The following RAD18 variants were observed in gnomAD, a reference collection of about 807,000 sequenced individuals.
RAD18 encodes RAD18 E3 ubiquitin protein ligase.
RAD18 carries 47 observed loss-of-function variants against 60.4 expected under a neutral mutation model. That is an observed-to-expected ratio of 0.78 (90% CI 0.62 to 0.99). The LOEUF (loss-of-function observed/expected upper bound fraction) is 0.99. Among genes scored for constraint, RAD18 ranks in the 50% least tolerant of loss-of-function variants. The probability of loss-of-function intolerance (pLI) is 0.00; values close to 1 mark genes in which losing one functional copy is unlikely to be tolerated. For missense variants in RAD18, 640 were observed against 593.3 expected, an observed-to-expected ratio of 1.08 and a Z score of -0.82; for synonymous variants, 225 against 195.5, an observed-to-expected ratio of 1.15 and a Z score of -1.26.
At chr3:8,928,602 T>C (rs1241773489) in intron 7 of RAD18, among the ~76,000 whole-genome samples, 1 of 152,046 alleles carries the variant, frequency 6.6e-6, no homozygotes, top group Non-Finnish European at 1.5e-5. Flanking sequence ...ATAATAATAC[T>C]AAGAGATTCA....
intron 7 of RAD18, among the ~76,000 whole-genome samples, chr3:8,920,323 G>A (rs1433019128): frequency 6.6e-6 from 1 of 151,082 alleles, no homozygotes; most frequent in African/African-American, 2.4e-5. Flanking sequence ...TAATAAGGCA[G>A]AGGGAAGGGC....
rs1939745552 is a variant in RAD18 at position 8,894,164 on chromosome 3, T to C, written c.1323-3713A>G. Among the ~76,000 whole-genome samples the C allele has an allele frequency of 2.6e-5, 4 of 152,314 alleles. No individual in the cohort carries two copies. The South Asian group carries it at 8.3e-4, about 32-fold the overall frequency. ...GCAGAAAAATCAAATGCTATTGATTTTACCAGAGTTAAGAATACGCTCTCC... is the reference window on the plus strand; with the variant it reads ...GCAGAAAAATCAAATGCTATTGATTCTACCAGAGTTAAGAATACGCTCTCC... On this transcript the variant is annotated intron_variant, in intron 11 of 12. Coordinates refer to ENST00000264926, the MANE Select transcript of RAD18 (RefSeq NM_020165.4).
At chr3:8,887,280 C>G (rs186721458) in intron 12 of RAD18, among the ~76,000 whole-genome samples, 150 of 152,294 alleles carry the variant, frequency 9.8e-4, no homozygotes, top group Non-Finnish European at 1.7e-3. Flanking sequence ...TTGCAAGTGA[C>G]TGCAGGTGAG....
At position 8,880,091 on chromosome 3, in the gene RAD18, A is replaced by T. The variant is rs1248834363; in HGVS notation, c.*1266T>A. On this transcript the variant is annotated 3_prime_UTR_variant, in exon 13 of 13. Transcript: ENST00000264926. ...TAATGCACCCCTCAGGATTTCATGC[A>T]AATGAAATTATTATGACAAATTTTT... The T allele has an allele frequency of 6.6e-6, 1 of 152,204 alleles. No individual in the cohort carries two copies. Among genetic ancestry groups the T allele is most frequent in the East Asian group, 1.9e-4 (1 of 5,192 alleles). The allele number at this position is 152,204 out of a possible 1,614,324, so 9.4% of individuals were successfully genotyped here.
chr3:8,956,553 A>T (rs904192143), intron 2 of RAD18, among the ~76,000 whole-genome samples: 1 of 152,208 alleles, frequency 6.6e-6, no homozygotes, highest in African/African-American at 2.4e-5. Flanking sequence ...AGGTAACTGA[A>T]ATCACAGATA....
Position 8,922,142 on chromosome 3 carries a change from C to T in RAD18, c.890-8422G>A, listed in dbSNP as rs536357261. Among the ~76,000 whole-genome samples, 182 of 152,294 alleles carry T rather than the reference C, an allele frequency of 1.2e-3. 2 individuals are homozygous for T. The highest frequency in any genetic ancestry group is 4.2e-3 in the African/African-American group (176 of 41,564). The stretch of plus-strand genomic sequence containing the variant: ...AGTGAGCTGAAGCAGGGCGAGGCAT[C>T]GCCTCACCGGGGAAGCACAAGGGGT... On this transcript the variant is annotated intron_variant, in intron 7 of 12. Transcript: ENST00000264926.
intron 7 of RAD18, among the ~76,000 whole-genome samples, chr3:8,926,668 G>C (rs888647370): frequency 1.2e-4 from 19 of 152,106 alleles, no homozygotes; most frequent in Non-Finnish European, 2.2e-4. Context: ...ATACTACAAG[G>C]CTACAGTAAC....
chr3:8,923,352 G>A (rs574990386), intron 7 of RAD18, among the ~76,000 whole-genome samples: 1 of 152,192 alleles, frequency 6.6e-6, no homozygotes, highest in Non-Finnish European at 1.5e-5. Context: ...AGCAAGAAGA[G>A]AAGTTTAGAG....
intron 7 of RAD18, among the ~76,000 whole-genome samples, chr3:8,933,498 A>G (rs1233779890): frequency 6.6e-6 from 1 of 152,256 alleles, no homozygotes. Context: ...GCACATACAA[A>G]AAGCGACAAG....
At chr3:8,944,614 G>A (rs1053744702) in intron 4 of RAD18, among the ~76,000 whole-genome samples, 3 of 149,040 alleles carry the variant, frequency 2.0e-5, no homozygotes, top group Non-Finnish European at 3.0e-5. Context: ...GAAAGGAGGA[G>A]GGAGGGAGAA....
chr3:8,893,451 G>A (rs765812147), intron 11 of RAD18, among the ~76,000 whole-genome samples: 2 of 152,046 alleles, frequency 1.3e-5, no homozygotes, highest in Non-Finnish European at 2.9e-5. Flanking sequence ...CCAGACAATG[G>A]TACTTAAATA....
intron 9 of RAD18, among the ~76,000 whole-genome samples, chr3:8,906,181 T>C (rs1939998668): frequency 1.3e-5 from 2 of 152,196 alleles, no homozygotes; most frequent in South Asian, 4.1e-4. Flanking sequence ...AATACCATTT[T>C]GTGAAGCTTT....
chr3:8,960,467 C>G (rs1941079119), intron 1 of RAD18, among the ~76,000 whole-genome samples: 1 of 152,010 alleles, frequency 6.6e-6, no homozygotes, highest in Non-Finnish European at 1.5e-5. Context: ...GAACCTATTA[C>G]CTGAATTTTA....
Position 8,880,600 on chromosome 3 carries a change from C to A in RAD18, c.*757G>T, listed in dbSNP as rs186167489. 2.4e-4 allele frequency: 36 copies of A among 152,298 alleles called. No homozygotes were observed. The highest frequency in any genetic ancestry group is 2.2e-3 in the Admixed American group (34 of 15,288). 9.4% of individuals were successfully genotyped at this position (152,298 alleles called of 1,614,324 possible). The stretch of plus-strand genomic sequence containing the variant: ...ATTCATTTACAAAATTCATTCATTG[C>A]ATACTTTTTGTTTAATAGCTTGGAT... On this transcript the variant is annotated 3_prime_UTR_variant, in exon 13 of 13. Coordinates refer to ENST00000264926, the MANE Select transcript of RAD18 (RefSeq NM_020165.4).
intron 7 of RAD18, among the ~76,000 whole-genome samples, chr3:8,924,610 C>A (rs186786183): frequency 8.8e-6 from 1 of 113,682 alleles, no homozygotes; most frequent in Non-Finnish European, 1.9e-5. Flanking sequence ...AGAATATACA[C>A]TCTTCTCAGC....
chr3:8,902,532 A>G lies in RAD18; in HGVS notation c.1028-12T>C. ...CTTATGTTTTTTACCTGAAATTCAA[A>G]AGATCTTCTCAGTAAAGCTAGGACT... On this transcript the variant is annotated splice_polypyrimidine_tract_variant and intron_variant, in intron 9 of 12. Transcript: ENST00000264926. 1 of 1,592,702 alleles carries G rather than the reference A, an allele frequency of 6.3e-7. No individual in the cohort carries two copies. Among genetic ancestry groups the G allele is most frequent in the Non-Finnish European group, 8.5e-7 (1 of 1,171,304 alleles).
rs902309329 is a variant in RAD18 at position 8,881,525 on chromosome 3, A to G, written c.1386-66T>C. Reference sequence around the variant, plus strand: ...ATTATTGTACAGCAGTTTCTAGTTTACAAGTGTTTTCACACATATTATTTC... The same window carrying G: ...ATTATTGTACAGCAGTTTCTAGTTTGCAAGTGTTTTCACACATATTATTTC... On this transcript the variant is annotated intron_variant, in intron 12 of 12. Coordinates refer to ENST00000264926, the MANE Select transcript of RAD18 (RefSeq NM_020165.4). The G allele has an allele frequency of 3.8e-6, 5 of 1,319,868 alleles. No homozygotes were observed. In the African/African-American group the frequency reaches 7.3e-5, roughly 19 times the overall value. The allele number at this position is 1,319,868 out of a possible 1,614,324, so 81.8% of individuals were successfully genotyped here. A position where few individuals can be genotyped will look rare whatever the true frequency, so the allele number is the denominator to read the frequency against.
intron 2 of RAD18, among the ~76,000 whole-genome samples, chr3:8,949,890 A>G (rs1179045020): frequency 6.6e-6 from 1 of 152,190 alleles, no homozygotes; most frequent in Non-Finnish European, 1.5e-5. Flanking sequence ...ATGTCCTCAC[A>G]CTTCTGTGAG....
intron 2 of RAD18, among the ~76,000 whole-genome samples, chr3:8,953,801 G>A (rs952739874): frequency 1.3e-5 from 2 of 151,638 alleles, no homozygotes; most frequent in African/African-American, 4.8e-5. Context: ...CTATTTTAAA[G>A]CTTGGCCAGC....
Sources: allele counts gnomAD v4.1 joint callset (sites outside exome capture counted in the v4.1 genomes callset), GRCh38; gene constraint gnomAD v4.1.1; transcripts MANE v1.5; gene names NCBI Gene and HGNC (gene_info 2026-07-23, HGNC 2026-07-21).